KIDINS220: variants seen among roughly 807,000 people sequenced by gnomAD.
KIDINS220 encodes the protein kinase D interacting substrate 220, also known as kinase D-interacting substrate of 220 kDa.
A neutral mutation model predicts 157.6 loss-of-function variants in KIDINS220; 63 were observed. The ratio of observed to expected loss-of-function variants is 0.40; its 90% CI spans 0.33 to 0.49. The LOEUF (loss-of-function observed/expected upper bound fraction) is 0.49, where lower values mean the gene tolerates loss of function less well. Ranked by LOEUF, KIDINS220 falls within the 20% of genes least tolerant of loss-of-function variation. The pLI is 0.66. For missense variants in KIDINS220, 1,772 were observed against 2,171.2 expected (o/e 0.82, Z 3.65); for synonymous variants, 732 against 783.6 (o/e 0.93, Z 1.10).
In KIDINS220 at chr2:8,733,490, A is replaced by G; in HGVS notation, c.4007T>C (p.Leu1336Pro). The stretch of plus-strand genomic sequence containing the variant: ...ACGAGGGGCACCTTCATCCAGGCCA[A>G]GCGTGTTCAGCTCTTCGAAGCTGAA... ...LNFSFEELNT[L>P]GLDEGAPRHS... Residue 1336 changes from leucine to proline, a missense_variant, in exon 29 of 30, where the codon CTT (leucine) becomes CCT (proline). Leu to Pro is a moderately conservative substitution (Grantham distance 98, BLOSUM62 -3). Transcript: ENST00000256707. 1 of 1,614,154 alleles carries G rather than the reference A, an allele frequency of 6.2e-7. No individual in the cohort carries two copies. Among genetic ancestry groups the G allele is most frequent in the South Asian group, 1.1e-5 (1 of 91,078 alleles).
At position 8,747,979 on chromosome 2, in the gene KIDINS220, A is replaced by G. The variant is rs1666818318; in HGVS notation, c.3436T>C (p.Tyr1146His). 2.5e-6 allele frequency: 4 copies of G among 1,588,640 alleles called. No homozygotes were observed. Among genetic ancestry groups the G allele is most frequent in the African/African-American group, 1.4e-5 (1 of 73,402 alleles). ...CCGCCAGGGTAATACCTTGGCGTGT[A>G]AAGGTATGGGGCAAAGAATGGCTAT... ...YNRPFFAPYLYTPRYYPGGSQ... is the reference protein window; with the variant it reads ...YNRPFFAPYLHTPRYYPGGSQ... The change falls in exon 25 of 30, where the codon TAC becomes CAC. Residue 1146 changes from tyrosine (Y) to histidine (H), a missense_variant. Tyr to His is a moderately conservative substitution (Grantham distance 83). Around this residue, in one of 3 missense-constraint regions of KIDINS220, gnomAD observed 793 missense variants for 885.5 expected, o/e 0.90. Transcript: ENST00000256707.
rs1196907787 is a variant in KIDINS220 at position 8,731,237 on chromosome 2, T to C, written c.4799A>G (p.His1600Arg). The change falls in exon 30 of 30, where the codon CAC becomes CGC. Residue 1600 changes from histidine (H) to arginine (R), a missense_variant. Coordinates refer to ENST00000256707, the MANE Select transcript of KIDINS220 (RefSeq NM_020738.4). This position sits in a 1 kb window ranked among gnomAD's most constrained non-coding sequence, Gnocchi z 5.2. ...CTGGGAGTCATCCGCCACTTCATTG[T>C]GCAGAGAGTGATTGGGAGAACTTTC... ...SSESSPNHSL[H>R]NEVADDSQLE... 1 of 1,614,174 alleles carries C rather than the reference T, an allele frequency of 6.2e-7. No homozygotes were observed. The highest frequency in any genetic ancestry group is 8.5e-7 in the Non-Finnish European group (1 of 1,180,030).
At chr2:8,822,348 G>A (rs550794765) in intron 2 of KIDINS220, among the ~76,000 whole-genome samples, 11 of 152,210 alleles carry the variant, frequency 7.2e-5, no homozygotes, top group East Asian at 1.9e-4. Flanking sequence ...CAGGCCAGGC[G>A]CAGTGACTCT....
intron 17 of KIDINS220, among the ~76,000 whole-genome samples, chr2:8,781,160 A>ATAATATATATATATG: frequency 5.1e-5 from 7 of 136,416 alleles, no homozygotes; most frequent in Non-Finnish European, 9.5e-5. Context: ...TATAATATAT[A>ATAATATATATATATG]TATATTAAAG....
At chr2:8,742,955 C>G (rs1429021839) in intron 26 of KIDINS220, among the ~76,000 whole-genome samples, 1 of 152,156 alleles carries the variant, frequency 6.6e-6, no homozygotes, top group Non-Finnish European at 1.5e-5. Context: ...GAGCAGCATA[C>G]CTTAAATTAA....
chr2:8,778,055 C>T (rs763590014), intron 20 of KIDINS220, among the ~76,000 whole-genome samples: 1 of 152,192 alleles, frequency 6.6e-6, no homozygotes, highest in Non-Finnish European at 1.5e-5. Context: ...CACAACTGCC[C>T]TGCAAGTGAA....
intron 18 of KIDINS220, 27 bp downstream of exon 18, chr2:8,779,647 G>A (rs1288380169): frequency 6.3e-7 from 1 of 1,598,336 alleles, no homozygotes; most frequent in South Asian, 1.1e-5. Flanking sequence ...CATAACAATG[G>A]TGGCTTTTGA....
chr2:8,730,138 A>C lies in KIDINS220; in HGVS notation c.*582T>G. 1 of 985,758 alleles carries C rather than the reference A, an allele frequency of 1.0e-6. No individual in the cohort carries two copies. Among genetic ancestry groups the C allele is most frequent in the Non-Finnish European group, 1.2e-6 (1 of 830,260 alleles). The allele number at this position is 985,758 out of a possible 1,614,324, so 61.1% of individuals were successfully genotyped here. A position where few individuals can be genotyped will look rare whatever the true frequency, so the allele number is the denominator to read the frequency against. On this transcript the variant is annotated 3_prime_UTR_variant, in exon 30 of 30. Coordinates refer to ENST00000256707, the MANE Select transcript of KIDINS220 (RefSeq NM_020738.4). ...GCCCTGGTGACTCACTTTGTTGGCA[A>C]TTTTTAAAGCCCTCTTCATTATGTA...
intron 1 of KIDINS220, among the ~76,000 whole-genome samples, chr2:8,828,175 G>C (rs990083668): frequency 1.3e-5 from 2 of 152,142 alleles, no homozygotes; most frequent in Admixed American, 1.3e-4. Flanking sequence ...TCACCCTCCT[G>C]GCTGCATGGC....
At chr2:8,801,616 C>A (rs907681489) in intron 8 of KIDINS220, among the ~76,000 whole-genome samples, 1 of 152,316 alleles carries the variant, frequency 6.6e-6, no homozygotes, top group East Asian at 1.9e-4. Flanking sequence ...AAAGTGACTA[C>A]CAGGTAGGCA....
intron 27 of KIDINS220, 31 bp downstream of exon 27, chr2:8,736,837 T>A (rs1346482152): frequency 6.2e-7 from 1 of 1,613,052 alleles, no homozygotes; most frequent in Non-Finnish European, 8.5e-7. Flanking sequence ...CCCAGCGCTG[T>A]CTCTGGTCCG....
At chr2:8,778,801 C>G in intron 19 of KIDINS220, 74 bp from the exon 20 acceptor site, 1 of 1,591,912 alleles carries the variant, frequency 6.3e-7, no homozygotes, top group East Asian at 2.2e-5. Flanking sequence ...AAATGTGAAA[C>G]AACAACAATA....
In KIDINS220 at chr2:8,779,727, T is replaced by A. The variant is rs776958039; in HGVS notation, c.2317A>T (p.Ile773Phe). 6.2e-7 allele frequency: 1 copy of A among 1,614,208 alleles called. No homozygotes were observed. Among genetic ancestry groups the A allele is most frequent in the Non-Finnish European group, 8.5e-7 (1 of 1,180,020 alleles). The change falls in exon 18 of 30, where the codon ATC (isoleucine) becomes TTC (phenylalanine). Residue 773 changes from isoleucine (I) to phenylalanine (F), a missense_variant. Around this residue, in one of 3 missense-constraint regions of KIDINS220, gnomAD observed 725 missense variants for 1,017.1 expected, o/e 0.71. Transcript: ENST00000256707. The part of the protein sequence containing the change: ...TQNQTRLVVI[I>F]DGLDACEQDK... Reference sequence around the variant, plus strand: ...TGCTCACAGGCATCTAATCCATCGATGATGACCACCAGCCTTGTCTGATTC... The same window carrying A: ...TGCTCACAGGCATCTAATCCATCGAAGATGACCACCAGCCTTGTCTGATTC...
chr2:8,751,396 C>T (rs1667341892), intron 23 of KIDINS220, 70 bp downstream of exon 23: 1 of 1,339,076 alleles, frequency 7.5e-7, no homozygotes, highest in Admixed American at 2.1e-5. Flanking sequence ...GAAATGTACA[C>T]AAATAAGTTA....
Position 8,751,571 on chromosome 2 carries a change from C to T in KIDINS220, c.3085G>A (p.Glu1029Lys). 1 of 1,613,060 alleles carries T rather than the reference C, an allele frequency of 6.2e-7. No individual in the cohort carries two copies. The highest frequency in any genetic ancestry group is 8.5e-7 in the Non-Finnish European group (1 of 1,179,330). Residue 1029 changes from glutamate (E) to lysine (K), a missense_variant, in exon 23 of 30, where the codon GAA becomes AAA. This residue lies in a region of KIDINS220 where 725 missense variants were observed against 1,017.1 expected (regional missense o/e 0.71). Coordinates refer to ENST00000256707, the MANE Select transcript of KIDINS220 (RefSeq NM_020738.4). ...GGGGTCCTTGAAGACAAAAACACTT[C>T]AAAATTTCTTATATCTCCATCAATT... Reference protein sequence around the residue: ...LEIDGDIRNFEVFLSSRTPVL... With the variant: ...LEIDGDIRNFKVFLSSRTPVL...
intron 1 of KIDINS220, among the ~76,000 whole-genome samples, chr2:8,833,785 T>C (rs527688291): frequency 3.8e-4 from 58 of 152,362 alleles, no homozygotes; most frequent in African/African-American, 1.3e-3. Context: ...AAATGGCAGA[T>C]GTAGCCAACA....
Position 8,811,914 on chromosome 2 carries a change from T to A in KIDINS220, c.504+481A>T, listed in dbSNP as rs113276437. On this transcript the variant is annotated intron_variant, in intron 6 of 29. Coordinates refer to ENST00000256707, the MANE Select transcript of KIDINS220 (RefSeq NM_020738.4). Reference sequence around the variant, plus strand: ...GGGCCCTGGACCGTGGGTCATTCAGTGGCTGGCATGCAAGGAACCATGGCG... The same window carrying A: ...GGGCCCTGGACCGTGGGTCATTCAGAGGCTGGCATGCAAGGAACCATGGCG... Among the ~76,000 whole-genome samples the A allele has an allele frequency of 9.5e-3, 1,450 of 152,034 alleles. 31 individuals are homozygous for A. Among genetic ancestry groups the A allele is most frequent in the African/African-American group, 0.033 (1,389 of 41,466 alleles).
chr2:8,803,186 T>C, intron 7 of KIDINS220, 59 bp from the exon 8 acceptor site: 1 of 1,318,486 alleles, frequency 7.6e-7, no homozygotes, highest in Non-Finnish European at 1.0e-6. Flanking sequence ...TAATGTATTC[T>C]AGAAAATATA....
At chr2:8,762,793 A>C (rs1668946293) in intron 22 of KIDINS220, among the ~76,000 whole-genome samples, 1 of 151,956 alleles carries the variant, frequency 6.6e-6, no homozygotes, top group Non-Finnish European at 1.5e-5. Context: ...AAGTTACCTA[A>C]AAAAAATTAT....
Sources: allele counts gnomAD v4.1 joint callset (sites outside exome capture counted in the v4.1 genomes callset), GRCh38; gene constraint gnomAD v4.1.1; regional missense constraint gnomAD v4.1.1; non-coding constraint Gnocchi (gnomAD v3.1); transcripts MANE v1.5; gene names NCBI Gene and HGNC (gene_info 2026-07-23, HGNC 2026-07-21).